The following CARMIL1 variants were observed in gnomAD, a reference collection of about 807,000 sequenced individuals.
CARMIL1 encodes F-actin-uncapping protein LRRC16A.
A neutral mutation model predicts 177.1 loss-of-function variants in CARMIL1; 90 were observed. The observed-to-expected ratio is 0.51, with a 90% CI of 0.43 to 0.61. The LOEUF (loss-of-function observed/expected upper bound fraction) is 0.61, where lower values mean the gene tolerates loss of function less well. Ranked by LOEUF, CARMIL1 falls within the 20% of genes least tolerant of loss-of-function variation. The pLI is 0.00. For missense variants in CARMIL1, 1,380 were observed against 1,667.0 expected (o/e 0.83, Z 3.00); for synonymous variants, 577 against 606.2 (o/e 0.95, Z 0.71).
intron 35 of CARMIL1, 52 bp downstream of exon 35, chr6:25,606,325 G>A (rs1815966616): frequency 1.3e-6 from 2 of 1,557,238 alleles, no homozygotes; most frequent in Admixed American, 1.8e-5. Context: ...GCTTCCCAGA[G>A]CCAGCTGGAT....
chr6:25,421,019 A>T (rs1795812475), intron 3 of CARMIL1, among the ~76,000 whole-genome samples: 1 of 152,214 alleles, frequency 6.6e-6, no homozygotes, highest in African/African-American at 2.4e-5. Context: ...CTGAGGCCCA[A>T]GGAGGTTCAG....
At chr6:25,442,378 G>A (rs1451352681) in intron 5 of CARMIL1, among the ~76,000 whole-genome samples, 2 of 151,682 alleles carry the variant, frequency 1.3e-5, no homozygotes, top group Non-Finnish European at 2.9e-5. Flanking sequence ...TCTTGCTTAT[G>A]TTTTGTTTTA....
chr6:25,446,334 A>G (rs1346526728), intron 5 of CARMIL1, among the ~76,000 whole-genome samples: 1 of 152,246 alleles, frequency 6.6e-6, no homozygotes, highest in Non-Finnish European at 1.5e-5. Context: ...AGCCATCTTC[A>G]TCAATGATCT....
At chr6:25,478,700 G>A (rs1801812961) in intron 11 of CARMIL1, among the ~76,000 whole-genome samples, 1 of 152,040 alleles carries the variant, frequency 6.6e-6, no homozygotes. Context: ...GGAGGCTGAG[G>A]CAGGAGATTC....
At chr6:25,456,967 C>A (rs542826601) in intron 8 of CARMIL1, among the ~76,000 whole-genome samples, 83 of 149,736 alleles carry the variant, frequency 5.5e-4, no homozygotes, top group African/African-American at 2.0e-3. Context: ...GTCATTTTTT[C>A]CTAATCAAAG....
chr6:25,609,542 G>T (rs1004245457), intron 35 of CARMIL1, among the ~76,000 whole-genome samples: 1 of 150,362 alleles, frequency 6.7e-6, no homozygotes. Context: ...CTCTTCATTT[G>T]TCCAGTGCCC....
At position 25,428,847 on chromosome 6, in the gene CARMIL1, T is replaced by G. The variant is rs1238135500; in HGVS notation, c.249+2287T>G. Among the ~76,000 whole-genome samples, 3 of 152,230 alleles carry G rather than the reference T, an allele frequency of 2.0e-5. No individual in the cohort carries two copies. In the East Asian group the frequency reaches 5.8e-4, roughly 29 times the overall value. ...TTGTCTCTTGCTGGTATTAGAAATA[T>G]AATTGATTTTTGCATATTGACCTTA... On this transcript the variant is annotated intron_variant, in intron 4 of 36. Coordinates refer to ENST00000329474, the MANE Select transcript of CARMIL1 (RefSeq NM_017640.6).
At chr6:25,334,271 C>T (rs940437363) in intron 2 of CARMIL1, among the ~76,000 whole-genome samples, 1 of 152,160 alleles carries the variant, frequency 6.6e-6, no homozygotes, top group Non-Finnish European at 1.5e-5. Context: ...CTTGGTTTCC[C>T]CACCCTACCT....
chr6:25,581,205 C>T, intron 30 of CARMIL1, 38 bp from the exon 31 acceptor site: 1 of 1,584,282 alleles, frequency 6.3e-7, no homozygotes, highest in East Asian at 2.3e-5. Flanking sequence ...AAGCTTTGGC[C>T]TTGGGCTGTT....
Position 25,577,892 on chromosome 6 carries a change from T to G in CARMIL1, c.2743-3032T>G, listed in dbSNP as rs1163909376. 2.6e-5 allele frequency among the ~76,000 whole-genome samples: 4 copies of G among 152,188 alleles called. No homozygotes were observed. Among genetic ancestry groups the G allele is most frequent in the African/African-American group, 9.6e-5 (4 of 41,454 alleles). Reference sequence around the variant, plus strand: ...CCACAATGGGGACTTATTGATGATTTGTGATGTTAGGACAAGAAAGAAGTC... The same window carrying G: ...CCACAATGGGGACTTATTGATGATTGGTGATGTTAGGACAAGAAAGAAGTC... On this transcript the variant is annotated intron_variant, in intron 29 of 36. Coordinates refer to ENST00000329474, the MANE Select transcript of CARMIL1 (RefSeq NM_017640.6). This position sits in a 1 kb window ranked among gnomAD's most constrained non-coding sequence, Gnocchi z 4.5.
At chr6:25,601,330 C>T (rs1199412757) in intron 33 of CARMIL1, among the ~76,000 whole-genome samples, 1 of 152,166 alleles carries the variant, frequency 6.6e-6, no homozygotes, top group Non-Finnish European at 1.5e-5. Flanking sequence ...TCTTTCCCCA[C>T]CTGCCCAGGG....
intron 36 of CARMIL1, among the ~76,000 whole-genome samples, chr6:25,616,072 G>C (rs1344331657): frequency 6.6e-6 from 1 of 152,080 alleles, no homozygotes; most frequent in Non-Finnish European, 1.5e-5. Flanking sequence ...ATTAACTTTA[G>C]TAGTATGTAA....
At position 25,509,669 on chromosome 6, in the gene CARMIL1, G is replaced by A; in HGVS notation, c.1409G>A (p.Gly470Asp). The A allele has an allele frequency of 6.2e-7, 1 of 1,602,404 alleles. No individual in the cohort carries two copies. The highest frequency in any genetic ancestry group is 8.5e-7 in the Non-Finnish European group (1 of 1,173,722). The change falls in exon 18 of 37, where the codon GGT (glycine) becomes GAT (aspartate). Residue 470 changes from glycine (G) to aspartate (D), a missense_variant. By Grantham distance (94) the Gly-to-Asp change is moderately conservative. Transcript: ENST00000329474. This position sits in a 1 kb window ranked among gnomAD's most constrained non-coding sequence, Gnocchi z 4.1. ...DLSNCELRSG[G>D]AQVLEGCIAE... ...GTGTTTCTCTAGCTGAGATCAGGAG[G>A]TGCTCAAGTATTAGAAGGTTGCATT...
intron 15 of CARMIL1, 138 bp downstream of exon 15, chr6:25,492,162 A>T: frequency 1.5e-6 from 1 of 671,264 alleles, no homozygotes; most frequent in South Asian, 2.0e-5. Flanking sequence ...TATGAATATT[A>T]GTCCTTGAAC....
chr6:25,475,264 C>A (rs755044457), intron 11 of CARMIL1, among the ~76,000 whole-genome samples: 12 of 152,000 alleles, frequency 7.9e-5, no homozygotes, highest in Admixed American at 4.6e-4. Flanking sequence ...ATTAGCTGGG[C>A]GTGGTGGCAG....
intron 2 of CARMIL1, among the ~76,000 whole-genome samples, chr6:25,342,708 A>AT (rs1204677467): frequency 3.3e-5 from 5 of 152,118 alleles, no homozygotes; most frequent in Admixed American, 6.5e-5. Flanking sequence ...TCTTTGGATG[A>AT]TTTTTATAAG....
At position 25,537,926 on chromosome 6, in the gene CARMIL1, C is replaced by A; in HGVS notation, c.2139C>A (p.Ile713=). ...TACGAAATTGTGGGGGAGACGCTAT[C>A]CAGGAAGATTTAAAATCAGCAGAGC... ...NSLRNCGGDA[I]QEDLKSAERL... The change falls in exon 25 of 37, where the codon ATC becomes ATA. Residue 713 remains isoleucine (I), a synonymous_variant. Coordinates refer to ENST00000329474, the MANE Select transcript of CARMIL1 (RefSeq NM_017640.6). 6.2e-7 allele frequency: 1 copy of A among 1,606,926 alleles called. No individual in the cohort carries two copies. The highest frequency in any genetic ancestry group is 8.5e-7 in the Non-Finnish European group (1 of 1,176,718).
At chr6:25,593,457 T>G (rs888937874) in intron 31 of CARMIL1, among the ~76,000 whole-genome samples, 1 of 152,220 alleles carries the variant, frequency 6.6e-6, no homozygotes, top group Non-Finnish European at 1.5e-5. Flanking sequence ...CTGTTCCTTA[T>G]GGGTTATTGT....
intron 2 of CARMIL1, among the ~76,000 whole-genome samples, chr6:25,364,128 A>G (rs1789519066): frequency 6.6e-6 from 1 of 152,008 alleles, no homozygotes; most frequent in South Asian, 2.1e-4. Context: ...AAAAATGTGT[A>G]GAGATGGGGT....
Sources: allele counts gnomAD v4.1 joint callset (sites outside exome capture counted in the v4.1 genomes callset), GRCh38; gene constraint gnomAD v4.1.1; non-coding constraint Gnocchi (gnomAD v3.1); transcripts MANE v1.5; gene names NCBI Gene and HGNC (gene_info 2026-07-23, HGNC 2026-07-21).